GSTO2: variants seen among roughly 807,000 people sequenced by gnomAD.
GSTO2 encodes the protein glutathione S-transferase omega-2.
A neutral mutation model predicts 28.4 loss-of-function variants in GSTO2; 23 were observed. The ratio of observed to expected loss-of-function variants is 0.81; its 90% CI spans 0.58 to 1.15. The LOEUF is 1.15. Ranked by LOEUF, GSTO2 falls within the 50% of genes most tolerant of loss-of-function variation. The pLI, the probability that GSTO2 is intolerant of heterozygous loss-of-function variation, is 0.00. For synonymous variants in GSTO2, 109 were observed against 111.0 expected (o/e 0.98, Z 0.11); for missense variants, 298 against 297.8 (o/e 1.00, Z 0.00).
intron 5 of GSTO2, chr10:104,291,156 T>C (rs1008723956): frequency 2.0e-5 from 3 of 152,138 alleles, no homozygotes; most frequent in African/African-American, 7.2e-5. Flanking sequence ...CCACAGAGGG[T>C]GGAGGATGGC....
At position 104,299,119 on chromosome 10, in the gene GSTO2, G is replaced by T. The variant is rs759211619; in HGVS notation, c.576-9G>T. ...TGCACTGTGCTGACGCTTCTTTCCT[G>T]TCTTGCAGCTGTGTGAGCCACACGC... On this transcript the variant is annotated splice_polypyrimidine_tract_variant and intron_variant, in intron 6 of 6. Transcript: ENST00000338595. 3.7e-6 allele frequency: 6 copies of T among 1,612,076 alleles called. No homozygotes were observed. In the Admixed American group the frequency reaches 1.0e-4, roughly 27 times the overall value.
intron 1 of GSTO2, among the ~76,000 whole-genome samples, chr10:104,270,179 A>G (rs2135079217): frequency 6.7e-6 from 1 of 149,606 alleles, no homozygotes; most frequent in Non-Finnish European, 1.5e-5. Flanking sequence ...GCGCCCGGCT[A>G]ATTTTTTGTA....
chr10:104,276,477 T>C (rs1174243791), intron 3 of GSTO2, among the ~76,000 whole-genome samples: 2 of 152,234 alleles, frequency 1.3e-5, no homozygotes, highest in Non-Finnish European at 2.9e-5. Context: ...TGTCCATCAC[T>C]GGATGTTTAG....
intron 5 of GSTO2, chr10:104,295,139 C>T (rs889128681): frequency 1.3e-5 from 2 of 152,062 alleles, no homozygotes; most frequent in African/African-American, 2.4e-5. Flanking sequence ...TCATCTATTC[C>T]TGAACATAAA....
chr10:104,290,376 A>G (rs953206642), intron 5 of GSTO2, among the ~76,000 whole-genome samples: 1 of 152,024 alleles, frequency 6.6e-6, no homozygotes, highest in Non-Finnish European at 1.5e-5. Flanking sequence ...ATGGTAGTGC[A>G]TGCCTGGAAT....
chr10:104,289,503 C>A (rs1285688414), intron 5 of GSTO2, among the ~76,000 whole-genome samples: 2 of 152,150 alleles, frequency 1.3e-5, no homozygotes, highest in African/African-American at 4.8e-5. Flanking sequence ...TATTCTGCAC[C>A]TTCATGGAGA....
At chr10:104,282,950 TG>T (rs1343697004) in intron 5 of GSTO2, among the ~76,000 whole-genome samples, 1 of 152,150 alleles carries the variant, frequency 6.6e-6, no homozygotes, top group Non-Finnish European at 1.5e-5. Context: ...ATGTCATTAG[TG>T]GGGTGGTGAT....
chr10:104,275,193 C>T (rs1298454892), intron 2 of GSTO2, 33 bp from the exon 3 acceptor site: 1 of 1,590,622 alleles, frequency 6.3e-7, no homozygotes, highest in South Asian at 1.1e-5. Flanking sequence ...CTAGCCTCTC[C>T]TTTCCCTGTC....
intron 5 of GSTO2, chr10:104,296,783 T>G (rs2013058137): frequency 6.6e-6 from 1 of 150,494 alleles, no homozygotes; most frequent in Non-Finnish European, 1.5e-5. Context: ...TTTCTTTTCT[T>G]TTTTCTTTTT....
intron 3 of GSTO2, 90 bp from the exon 4 acceptor site, chr10:104,277,804 T>G: frequency 1.2e-6 from 1 of 846,858 alleles, no homozygotes; most frequent in Non-Finnish European, 1.9e-6. Flanking sequence ...ATTTTAACTT[T>G]TAAACTGATT....
chr10:104,298,596 T>C (rs1007248174), intron 6 of GSTO2, among the ~76,000 whole-genome samples: 1 of 152,268 alleles, frequency 6.6e-6, no homozygotes, highest in Non-Finnish European at 1.5e-5. Flanking sequence ...CTTATTGCTT[T>C]ATAAACCCCA....
rs2013192064 is a variant in GSTO2, at chr10:104,299,402, T to G, written c.*118T>G. ...CTTTTCTTTGAAGTTCCCAATAAAATGAAAACAGGAAATGTATTCTTCTGA... is the reference window on the plus strand; with the variant it reads ...CTTTTCTTTGAAGTTCCCAATAAAAGGAAAACAGGAAATGTATTCTTCTGA... On this transcript the variant is annotated 3_prime_UTR_variant, in exon 7 of 7. Coordinates refer to ENST00000338595, the MANE Select transcript of GSTO2 (RefSeq NM_183239.2). 3 of 1,156,566 alleles carry G rather than the reference T, an allele frequency of 2.6e-6. No individual in the cohort carries two copies. Among genetic ancestry groups the G allele is most frequent in the Non-Finnish European group, 3.8e-6 (3 of 791,882 alleles). The allele number at this position is 1,156,566 out of a possible 1,614,324, so 71.6% of individuals were successfully genotyped here. A position where few individuals can be genotyped will look rare whatever the true frequency, so the allele number is the denominator to read the frequency against.
chr10:104,275,436 T>C, intron 3 of GSTO2, 102 bp downstream of exon 3: 1 of 994,152 alleles, frequency 1.0e-6, no homozygotes. Flanking sequence ...TACAAGGGGC[T>C]CCCTGTCCCT....
intron 5 of GSTO2, chr10:104,288,270 T>G (rs1267229740): frequency 2.6e-5 from 4 of 152,218 alleles, no homozygotes; most frequent in African/African-American, 9.7e-5. Context: ...TTAGGAGTGT[T>G]TAGATGGTTT....
chr10:104,293,806 C>G (rs1304579817), intron 5 of GSTO2, among the ~76,000 whole-genome samples: 1 of 151,944 alleles, frequency 6.6e-6, no homozygotes, highest in Admixed American at 6.6e-5. Context: ...CTCCTTGGCT[C>G]AAGCAATTTA....
intron 1 of GSTO2, among the ~76,000 whole-genome samples, chr10:104,271,736 C>A (rs1219224819): frequency 6.6e-6 from 1 of 152,182 alleles, no homozygotes; most frequent in Non-Finnish European, 1.5e-5. Context: ...GAACATTTCC[C>A]AACTCTCAGA....
intron 5 of GSTO2, among the ~76,000 whole-genome samples, chr10:104,288,169 C>T (rs1329295873): frequency 3.3e-5 from 5 of 152,060 alleles, no homozygotes; most frequent in Non-Finnish European, 5.9e-5. Flanking sequence ...GGATTACAGG[C>T]GTGAGCCACC....
chr10:104,298,021 G>C (rs1213448452), intron 6 of GSTO2, among the ~76,000 whole-genome samples: 1 of 152,150 alleles, frequency 6.6e-6, no homozygotes. Context: ...GCCTCCACCT[G>C]GTCCTGACGG....
At chr10:104,272,330 A>C (rs2011444283) in intron 1 of GSTO2, among the ~76,000 whole-genome samples, 1 of 152,202 alleles carries the variant, frequency 6.6e-6, no homozygotes, top group African/African-American at 2.4e-5. Context: ...TTTTTACACT[A>C]CAAGTGTAGA....
Sources: gnomAD v4.1 joint callset for allele counts (sites outside exome capture counted in the v4.1 genomes callset) on GRCh38, gnomAD v4.1.1 for gene constraint, MANE v1.5 for transcripts, NCBI Gene and HGNC (gene_info 2026-07-23, HGNC 2026-07-21) for gene names.